The following SLC8A3 variants were observed in gnomAD, a reference collection of about 807,000 sequenced individuals.
The protein encoded by SLC8A3 is sodium/calcium exchanger 3.
SLC8A3 carries 37 observed loss-of-function variants against 65.4 expected under a neutral mutation model. That is an observed-to-expected ratio of 0.57 (90% CI 0.44 to 0.74). The LOEUF (loss-of-function observed/expected upper bound fraction) is 0.74, where lower values mean the gene tolerates loss of function less well. Among genes scored for constraint, SLC8A3 ranks in the 30% least tolerant of loss-of-function variants. SLC8A3 has a pLI of 0.00. For missense variants in SLC8A3, 1,112 were observed against 1,172.1 expected, an observed-to-expected ratio of 0.95 and a Z score of 0.75; for synonymous variants, 461 against 444.5, an observed-to-expected ratio of 1.04 and a Z score of -0.47.
chr14:70,063,811 AG>A, intron 2 of SLC8A3: 1 of 1,380,678 alleles, frequency 7.2e-7, no homozygotes, highest in Non-Finnish European at 1.0e-6. Context: ...TGTGGAGGAC[AG>A]GGTACTACAC....
rs993204238 is a variant in SLC8A3, at chr14:70,044,342, A to T, written c.*1605T>A. The T allele has an allele frequency of 3.3e-5, 5 of 152,030 alleles. No homozygotes were observed. The highest frequency in any genetic ancestry group is 2.6e-4 in the Admixed American group (4 of 15,276). 9.4% of individuals were successfully genotyped at this position (152,030 alleles called of 1,614,324 possible). ...TTTTTAATTATTTTTTTCTTAAAAA[A>T]TGTGTTTAAAATTAACAGGTGTTTT... On this transcript the variant is annotated 3_prime_UTR_variant, in exon 7 of 7. Coordinates refer to ENST00000356921, the MANE Select transcript of SLC8A3 (RefSeq NM_182932.3).
intron 4 of SLC8A3, 86 bp downstream of exon 4, chr14:70,051,904 A>G (rs995302493): frequency 8.3e-6 from 9 of 1,089,302 alleles, no homozygotes; most frequent in Non-Finnish European, 1.1e-5. Flanking sequence ...CATATTCACT[A>G]GTGAAAGTGG....
chr14:70,060,369 G>T, intron 3 of SLC8A3: 1 of 284,728 alleles, frequency 3.5e-6, no homozygotes, highest in South Asian at 3.5e-5. Flanking sequence ...GGCAGGGGAG[G>T]AAGGCAGGAA....
intron 2 of SLC8A3, among the ~76,000 whole-genome samples, chr14:70,090,364 G>C (rs955181523): frequency 1.3e-5 from 2 of 152,020 alleles, no homozygotes; most frequent in Non-Finnish European, 2.9e-5. Context: ...CGTCATATGC[G>C]CATGTCCTCC....
chr14:70,112,216 A>G (rs28645780), intron 2 of SLC8A3, among the ~76,000 whole-genome samples: 62 of 152,340 alleles, frequency 4.1e-4, no homozygotes, highest in African/African-American at 1.5e-3. Flanking sequence ...AGAGAAGGTC[A>G]GGATCTAGAG....
chr14:70,046,222 C>T lies in SLC8A3; in HGVS notation c.2491G>A (p.Gly831Ser). 1.9e-6 allele frequency: 3 copies of T among 1,614,210 alleles called. No individual in the cohort carries two copies. The highest frequency in any genetic ancestry group is 1.1e-5 in the South Asian group (1 of 91,076). ...ATGGCGGCCACGGACCAGGCCAGGC[C>T]GATGCCCAGGAAGACATTGACGGCG... ...SNAVNVFLGI[G>S]LAWSVAAIYW... is the part of the protein sequence containing the mutation. Residue 831 changes from glycine to serine, a missense_variant, in exon 7 of 7, where the codon GGC becomes AGC. Physicochemically the swap from Gly to Ser is moderately conservative, Grantham distance 56. Transcript: ENST00000356921. This position sits in a 1 kb window ranked among gnomAD's most constrained non-coding sequence, Gnocchi z 4.2.
intron 2 of SLC8A3, among the ~76,000 whole-genome samples, chr14:70,105,234 C>T (rs1446551632): frequency 1.3e-5 from 2 of 152,074 alleles, no homozygotes; most frequent in African/African-American, 2.4e-5. Flanking sequence ...GAGGCTGAGG[C>T]AGGAGAATGG....
chr14:70,052,340 A>G (rs1478901007), intron 3 of SLC8A3, among the ~76,000 whole-genome samples: 1 of 152,154 alleles, frequency 6.6e-6, no homozygotes, highest in East Asian at 1.9e-4. Context: ...TCTCTTTTAT[A>G]CCTGGGTGGA....
intron 2 of SLC8A3, among the ~76,000 whole-genome samples, chr14:70,064,668 G>A (rs1200062013): frequency 1.3e-5 from 2 of 152,124 alleles, no homozygotes; most frequent in Admixed American, 6.5e-5. Context: ...TCACAGGGAT[G>A]AGCCAGCTGG....
At chr14:70,146,800 T>C (rs1344374625) in intron 2 of SLC8A3, among the ~76,000 whole-genome samples, 5 of 152,200 alleles carry the variant, frequency 3.3e-5, no homozygotes, top group African/African-American at 1.2e-4. Context: ...CCCTTAAGCA[T>C]ACTGCTGAAT....
Position 70,074,105 on chromosome 14 carries a change from C to T in SLC8A3, c.1785-13166G>A, listed in dbSNP as rs568706275. On this transcript the variant is annotated intron_variant, in intron 2 of 6. Coordinates refer to ENST00000356921, the MANE Select transcript of SLC8A3 (RefSeq NM_182932.3). ...CAGTGTTGCACAACTGCACTGGGCT[C>T]CAGGCACATAGAAGCCAATGAGAAT... Among the ~76,000 whole-genome samples, 7 of 152,322 alleles carry T rather than the reference C, an allele frequency of 4.6e-5. No individual in the cohort carries two copies. In the East Asian group the frequency reaches 1.4e-3, roughly 29 times the overall value.
At chr14:70,172,538 T>C (rs1421193896) in intron 1 of SLC8A3, among the ~76,000 whole-genome samples, 3 of 152,198 alleles carry the variant, frequency 2.0e-5, no homozygotes, top group East Asian at 1.9e-4. Context: ...TTTCGATGCC[T>C]AGTTCCCAGG....
intron 1 of SLC8A3, among the ~76,000 whole-genome samples, chr14:70,180,544 G>T (rs1882659936): frequency 6.6e-6 from 1 of 152,148 alleles, no homozygotes; most frequent in African/African-American, 2.4e-5. Flanking sequence ...TCTTTTCAGG[G>T]GCTAAAAGGC....
intron 2 of SLC8A3, among the ~76,000 whole-genome samples, chr14:70,142,312 CTATGA>C (rs1895631941): frequency 6.6e-6 from 1 of 152,220 alleles, no homozygotes; most frequent in Admixed American, 6.5e-5. Context: ...CTCAGACTGA[CTATGA>C]TCGTTCAGAT....
intron 1 of SLC8A3, among the ~76,000 whole-genome samples, chr14:70,172,825 G>A (rs1323395303): frequency 6.6e-6 from 1 of 152,196 alleles, no homozygotes; most frequent in Non-Finnish European, 1.5e-5. Context: ...CACTGAGCCA[G>A]CCTGGGGATT....
chr14:70,173,122 T>C (rs1389079319), intron 1 of SLC8A3, among the ~76,000 whole-genome samples: 1 of 152,148 alleles, frequency 6.6e-6, no homozygotes, highest in Admixed American at 6.5e-5. Flanking sequence ...CTAAGGGCAA[T>C]GAAAAGCCAG....
intron 2 of SLC8A3, among the ~76,000 whole-genome samples, chr14:70,115,147 G>A (rs1207108999): frequency 6.6e-6 from 1 of 152,180 alleles, no homozygotes; most frequent in Non-Finnish European, 1.5e-5. Flanking sequence ...GAGGCCCCAC[G>A]AGAGGAGAGA....
intron 1 of SLC8A3, 136 bp downstream of exon 1, chr14:70,188,243 A>G (rs1883508297): frequency 6.6e-6 from 1 of 152,560 alleles, no homozygotes; most frequent in Admixed American, 6.5e-5. Context: ...CATATGAATG[A>G]TCTTGAGAAA....
At chr14:70,112,745 G>A (rs1389364565) in intron 2 of SLC8A3, among the ~76,000 whole-genome samples, 1 of 152,184 alleles carries the variant, frequency 6.6e-6, no homozygotes, top group Non-Finnish European at 1.5e-5. Flanking sequence ...GGGCCATCCT[G>A]TCTCTGAAGG....
Sources: allele counts gnomAD v4.1 joint callset (sites outside exome capture counted in the v4.1 genomes callset), GRCh38; gene constraint gnomAD v4.1.1; non-coding constraint Gnocchi (gnomAD v3.1); transcripts MANE v1.5; gene names NCBI Gene and HGNC (gene_info 2026-07-23, HGNC 2026-07-21).